Variants in CEP128 observed in about 807,000 individuals in gnomAD.
CEP128 encodes the protein centrosomal protein 128kDa.
Under a neutral mutation model 156.7 loss-of-function variants are expected in CEP128, and 132 were observed. The ratio of observed to expected loss-of-function variants is 0.84; its 90% CI spans 0.73 to 0.97. The LOEUF is 0.97. Among genes scored for constraint, CEP128 ranks in the 50% least tolerant of loss-of-function variants. CEP128 has a pLI of 0.00. For missense variants in CEP128, 1,252 were observed against 1,281.9 expected, an observed-to-expected ratio of 0.98 and a Z score of 0.36; for synonymous variants, 469 against 448.9, an observed-to-expected ratio of 1.04 and a Z score of -0.57.
intron 19 of CEP128, among the ~76,000 whole-genome samples, chr14:80,724,348 C>T (rs1329939509): frequency 1.3e-5 from 2 of 151,876 alleles, no homozygotes; most frequent in Non-Finnish European, 2.9e-5. Flanking sequence ...TCATCTCAGC[C>T]CTCAATTAGT....
At chr14:80,850,094 TC>T (rs1371172114) in intron 9 of CEP128, among the ~76,000 whole-genome samples, 1 of 152,032 alleles carries the variant, frequency 6.6e-6, no homozygotes, top group Non-Finnish European at 1.5e-5. Flanking sequence ...AAACCTGTAA[TC>T]CTGAAGAGGA....
intron 19 of CEP128, among the ~76,000 whole-genome samples, chr14:80,741,972 GC>G (rs1200339074): frequency 2.6e-5 from 4 of 151,984 alleles, no homozygotes; most frequent in Non-Finnish European, 4.4e-5. Context: ...AAAGTGACAT[GC>G]CCTAAAAATG....
intron 13 of CEP128, among the ~76,000 whole-genome samples, chr14:80,819,062 G>A (rs1002318722): frequency 2.6e-5 from 4 of 152,030 alleles, no homozygotes; most frequent in Non-Finnish European, 2.9e-5. Context: ...CACAGACTGG[G>A]TGGCTTATAA....
At chr14:80,778,098 A>G (rs555272136) in intron 15 of CEP128, 52 bp from the exon 16 acceptor site, 31 of 1,429,658 alleles carry the variant, frequency 2.2e-5, no homozygotes, top group Non-Finnish European at 3.0e-5. Flanking sequence ...TAGCCAAAAT[A>G]CACCAAACAC....
rs1898916063 is a variant in CEP128 at position 80,743,100 on chromosome 14, C to A, written c.2781G>T (p.Leu927=). The change falls in exon 19 of 25, where the codon CTG becomes CTT. Residue 927 remains leucine, a synonymous_variant. Transcript: ENST00000555265. ...FQQIERQEQL[L]DEIHREKRDL... ...CTCTCTTCTCACGATGTATTTCATC[C>A]AGAAGCTGCTCCTGCCTTTCTATCT... The A allele has an allele frequency of 6.2e-7, 1 of 1,613,576 alleles. No homozygotes were observed. Among genetic ancestry groups the A allele is most frequent in the African/African-American group, 1.3e-5 (1 of 74,990 alleles).
intron 21 of CEP128, among the ~76,000 whole-genome samples, chr14:80,540,394 G>T (rs146017044): frequency 1.3e-5 from 2 of 152,178 alleles, no homozygotes; most frequent in South Asian, 2.1e-4. Flanking sequence ...ATGGGAACAG[G>T]TTCCCCCAGT....
intron 2 of CEP128, among the ~76,000 whole-genome samples, chr14:80,938,245 A>ATTTTTTT (rs35236692): frequency 2.4e-4 from 28 of 116,968 alleles, no homozygotes; most frequent in Admixed American, 6.0e-4. Flanking sequence ...CAGTGTTAGT[A>ATTTTTTT]TTTTTTTTTT....
Position 80,899,969 on chromosome 14 carries a change from C to G in CEP128, c.541G>C (p.Asp181His), listed in dbSNP as rs750167465. 6.2e-7 allele frequency: 1 copy of G among 1,613,664 alleles called. No individual in the cohort carries two copies. Among genetic ancestry groups the G allele is most frequent in the African/African-American group, 1.3e-5 (1 of 74,916 alleles). ...LSSEQIRLGD[D>H]FNRELSRRSR... ...CTTCTGGAAAGCTCCCTGTTGAAATCATCTCCAAGGCGAATTTGTTCACTG... is the reference window on the plus strand; with the variant it reads ...CTTCTGGAAAGCTCCCTGTTGAAATGATCTCCAAGGCGAATTTGTTCACTG... The change falls in exon 7 of 25, where the codon GAT (aspartate) becomes CAT (histidine). Residue 181 changes from aspartate (D) to histidine (H), a missense_variant. By Grantham distance (81) the Asp-to-His change is moderately conservative. Coordinates refer to ENST00000555265, the MANE Select transcript of CEP128 (RefSeq NM_152446.5).
rs372845477 is a variant in CEP128 at position 80,761,401 on chromosome 14, C to G, written c.2553+36G>C. On this transcript the variant is annotated intron_variant, in intron 17 of 24. Coordinates refer to ENST00000555265, the MANE Select transcript of CEP128 (RefSeq NM_152446.5). ...TTACAATTATATATTAGGAAACTAA[C>G]TGAAAATATAAGGTGCAATGAGAAT... The G allele has an allele frequency of 3.5e-6, 5 of 1,432,628 alleles. No individual in the cohort carries two copies. The African/African-American group carries it at 5.6e-5, about 16-fold the overall frequency. 88.7% of individuals were successfully genotyped at this position (1,432,628 alleles called of 1,614,324 possible).
chr14:80,622,605 T>C (rs928124895), intron 19 of CEP128, among the ~76,000 whole-genome samples: 6 of 149,788 alleles, frequency 4.0e-5, no homozygotes, highest in Admixed American at 4.0e-4. Flanking sequence ...CTCAAACAAA[T>C]TTACAAGAAA....
intron 22 of CEP128, 71 bp from the exon 23 acceptor site, chr14:80,527,053 GA>G (rs1414195806): frequency 4.1e-6 from 3 of 732,132 alleles, no homozygotes; most frequent in Non-Finnish European, 7.1e-6. Flanking sequence ...ATTAGAGTAA[GA>G]AAGAGTCTAT....
Position 80,895,792 on chromosome 14 carries a change from T to G in CEP128, c.573-2A>C. On this transcript the variant is annotated splice_acceptor_variant, in intron 7 of 24. Transcript: ENST00000555265. LOFTEE classifies it high-confidence loss of function. Reference sequence around the variant, plus strand: ...GCCCTTTTTGTTTCGGCATCTGACCTAGGAAGAAAAAAAAAAAAAAGATTT... The same window carrying G: ...GCCCTTTTTGTTTCGGCATCTGACCGAGGAAGAAAAAAAAAAAAAAGATTT... 1.7e-6 allele frequency: 2 copies of G among 1,207,952 alleles called. No individual in the cohort carries two copies. Among genetic ancestry groups the G allele is most frequent in the African/African-American group, 2.7e-5 (1 of 36,378 alleles). The allele number at this position is 1,207,952 out of a possible 1,614,324, so 74.8% of individuals were successfully genotyped here.
intron 19 of CEP128, among the ~76,000 whole-genome samples, chr14:80,647,033 GCATGTATATATATATATATATATATATA>G (rs1566831468): frequency 2.9e-5 from 2 of 68,788 alleles, no homozygotes; most frequent in African/African-American, 4.8e-5. Context: ...ATATATGTGT[GCATGTATATATATATATATATATATATA>G]TATATATATA....
chr14:80,534,688 G>A (rs11628145), intron 21 of CEP128, among the ~76,000 whole-genome samples: 43 of 152,110 alleles, frequency 2.8e-4, no homozygotes, highest in East Asian at 9.7e-4. Context: ...AGCCGGGCGC[G>A]GTGGCGGGCA....
At chr14:80,941,826 G>C (rs1886179219), upstream of CEP128, 2 of 152,648 alleles carry the variant, frequency 1.3e-5, no homozygotes, top group Admixed American at 6.5e-5. Flanking sequence ...TCATGATCAA[G>C]GAATTACCAA....
chr14:80,584,592 T>C (rs950564197), intron 19 of CEP128, among the ~76,000 whole-genome samples: 7 of 152,184 alleles, frequency 4.6e-5, no homozygotes, highest in African/African-American at 1.7e-4. Context: ...GCACATGCAT[T>C]TGGAATGATG....
chr14:80,668,726 T>C (rs1194971687), intron 19 of CEP128, among the ~76,000 whole-genome samples: 1 of 152,150 alleles, frequency 6.6e-6, no homozygotes, highest in Admixed American at 6.5e-5. Flanking sequence ...ATGGGTGATA[T>C]GGTTTGGCTG....
intron 19 of CEP128, among the ~76,000 whole-genome samples, chr14:80,673,671 A>AAAT (rs1895944752): frequency 6.9e-6 from 1 of 145,922 alleles, no homozygotes. Flanking sequence ...AAAAAAAAAA[A>AAAT]TGTACTAAAG....
chr14:80,904,272 A>G (rs1883752831), intron 6 of CEP128, among the ~76,000 whole-genome samples: 1 of 152,086 alleles, frequency 6.6e-6, no homozygotes, highest in Non-Finnish European at 1.5e-5. Flanking sequence ...CCACTTGTGT[A>G]TGAACTCTAA....
Sources: allele counts gnomAD v4.1 joint callset (sites outside exome capture counted in the v4.1 genomes callset), GRCh38; gene constraint gnomAD v4.1.1; transcripts MANE v1.5; gene names NCBI Gene and HGNC (gene_info 2026-07-23, HGNC 2026-07-21).